Variants in CDH11 observed in about 807,000 individuals in gnomAD.
CDH11 encodes the protein cadherin-11.
CDH11 carries 11 observed loss-of-function variants against 67.8 expected under a neutral mutation model. The ratio of observed to expected loss-of-function variants is 0.16; its 90% CI spans 0.10 to 0.27. The LOEUF is 0.27. Ranked by LOEUF, CDH11 falls within the 10% of genes least tolerant of loss-of-function variation. The pLI is 1.00. For missense variants in CDH11, 847 were observed against 1,031.2 expected (o/e 0.82, Z 2.45); for synonymous variants, 419 against 400.0 (o/e 1.05, Z -0.57).
At chr16:65,084,021 C>A (rs2074654636) in intron 1 of CDH11, among the ~76,000 whole-genome samples, 1 of 152,064 alleles carries the variant, frequency 6.6e-6, no homozygotes, top group Admixed American at 6.5e-5. Context: ...TGAGTAGATA[C>A]CAGGGATGCT....
chr16:65,041,335 G>A (rs1462967142), intron 2 of CDH11, among the ~76,000 whole-genome samples: 1 of 151,902 alleles, frequency 6.6e-6, no homozygotes, highest in Non-Finnish European at 1.5e-5. Context: ...TTTGTCATCT[G>A]TCTGCTACTC....
intron 2 of CDH11, among the ~76,000 whole-genome samples, chr16:65,020,000 A>G (rs2073390719): frequency 6.6e-6 from 1 of 152,166 alleles, no homozygotes; most frequent in South Asian, 2.1e-4. Context: ...AGTAGTTTCA[A>G]TTATATATGT....
rs560997567 is a variant in CDH11, at chr16:65,075,331, T to C, written c.-297-21403A>G. On this transcript the variant is annotated intron_variant, in intron 1 of 12. Coordinates refer to ENST00000268603, the MANE Select transcript of CDH11 (RefSeq NM_001797.4). ...GAGGACTCTGCATGTGGCAGTGGCCTTTCAGACAACACTGTCCTAAAGCCC... is the reference window on the plus strand; with the variant it reads ...GAGGACTCTGCATGTGGCAGTGGCCCTTCAGACAACACTGTCCTAAAGCCC... Among the ~76,000 whole-genome samples the C allele has an allele frequency of 2.2e-4, 34 of 152,328 alleles. No homozygotes were observed. In the South Asian group the frequency reaches 3.3e-3, roughly 15 times the overall value.
chr16:65,027,071 T>G (rs192132457), intron 2 of CDH11, among the ~76,000 whole-genome samples: 17 of 152,212 alleles, frequency 1.1e-4, no homozygotes, highest in African/African-American at 4.1e-4. Flanking sequence ...CTATCAGTAT[T>G]TCACCCAAGA....
intron 1 of CDH11, among the ~76,000 whole-genome samples, chr16:65,059,218 A>T (rs993305827): frequency 2.0e-5 from 3 of 152,162 alleles, no homozygotes; most frequent in African/African-American, 7.2e-5. Flanking sequence ...TCCTCTGCTC[A>T]TCCCTTCCTG....
intron 11 of CDH11, among the ~76,000 whole-genome samples, chr16:64,962,471 G>A (rs892111938): frequency 6.6e-6 from 1 of 152,116 alleles, no homozygotes; most frequent in African/African-American, 2.4e-5. Flanking sequence ...AACCAGTGCT[G>A]GGGTAGAAAA....
chr16:64,951,109 TATC>T (rs1471789486), intron 11 of CDH11, 91 bp from the exon 12 acceptor site: 3 of 1,290,388 alleles, frequency 2.3e-6, no homozygotes, highest in African/African-American at 2.9e-5. Flanking sequence ...GGCACTCTCT[TATC>T]ATAAAGGTTA....
At position 64,947,760 on chromosome 16, in the gene CDH11, T is replaced by C; in HGVS notation, c.2234A>G (p.Tyr745Cys). 1 of 1,614,166 alleles carries C rather than the reference T, an allele frequency of 6.2e-7. No individual in the cohort carries two copies. The highest frequency in any genetic ancestry group is 8.5e-7 in the Non-Finnish European group (1 of 1,180,024). ...CCCGGCCACTGAGCCCCTGCCTTCATAACCGTAGATTTGAATGGAGTCATA... is the reference window on the plus strand; with the variant it reads ...CCCGGCCACTGAGCCCCTGCCTTCACAACCGTAGATTTGAATGGAGTCATA... ...PPYDSIQIYG[Y>C]EGRGSVAGSL... The change falls in exon 13 of 13, where the codon TAT (tyrosine) becomes TGT (cysteine). Residue 745 changes from tyrosine to cysteine, a missense_variant. By Grantham distance (194) the Tyr-to-Cys change is radical (BLOSUM62 -2). Around this residue, in one of 2 missense-constraint regions of CDH11, gnomAD observed 612 missense variants for 678.7 expected, o/e 0.90. Transcript: ENST00000268603.
At chr16:65,110,673 T>C (rs1303186364) in intron 1 of CDH11, among the ~76,000 whole-genome samples, 2 of 117,256 alleles carry the variant, frequency 1.7e-5, no homozygotes, top group Non-Finnish European at 3.7e-5. Flanking sequence ...TGTGTGTGTG[T>C]GTAAGATACT....
chr16:64,961,848 C>A (rs187922378), intron 11 of CDH11, among the ~76,000 whole-genome samples: 35 of 152,154 alleles, frequency 2.3e-4, no homozygotes, highest in South Asian at 6.2e-4. Context: ...TAAAATTAAA[C>A]ATTTATTTTT....
rs1205069172 is a variant in CDH11 at position 64,945,759 on chromosome 16, C to A, written c.*1844G>T. 3 of 1,043,030 alleles carry A rather than the reference C, an allele frequency of 2.9e-6. No individual in the cohort carries two copies. In the South Asian group the frequency reaches 1.4e-4, roughly 48 times the overall value. The allele number at this position is 1,043,030 out of a possible 1,614,324, so 64.6% of individuals were successfully genotyped here. ...AGTGAGCACTTCATAAAAAACATTT[C>A]TTTGTATGCATGTTGACTAAATCAT... On this transcript the variant is annotated 3_prime_UTR_variant, in exon 13 of 13. Transcript: ENST00000268603.
intron 1 of CDH11, among the ~76,000 whole-genome samples, chr16:65,079,989 T>C (rs1270520273): frequency 6.6e-6 from 1 of 152,224 alleles, no homozygotes; most frequent in East Asian, 1.9e-4. Flanking sequence ...TATCAGATAA[T>C]GCAGACTTAG....
chr16:64,979,476 G>A (rs971522515), intron 8 of CDH11, among the ~76,000 whole-genome samples: 4 of 152,016 alleles, frequency 2.6e-5, no homozygotes, highest in Non-Finnish European at 5.9e-5. Flanking sequence ...AATAAAAGAT[G>A]CTTGGTGTCA....
At chr16:65,015,119 G>A (rs956878583) in intron 2 of CDH11, among the ~76,000 whole-genome samples, 13 of 151,090 alleles carry the variant, frequency 8.6e-5, no homozygotes, top group South Asian at 2.1e-4. Flanking sequence ...TCATCCACCC[G>A]CCTCGGCCTC....
chr16:65,044,239 T>C (rs1434174071), intron 2 of CDH11, among the ~76,000 whole-genome samples: 2 of 152,174 alleles, frequency 1.3e-5, no homozygotes, highest in Non-Finnish European at 2.9e-5. Context: ...CAAACTCTAT[T>C]CTCAAGGATT....
chr16:65,033,921 C>T (rs2073699143), intron 2 of CDH11, among the ~76,000 whole-genome samples: 3 of 151,998 alleles, frequency 2.0e-5, no homozygotes, highest in Admixed American at 1.3e-4. Flanking sequence ...TCAAAGAATA[C>T]TTGTGTGAGA....
At chr16:64,982,819 CT>C (rs2072388347) in intron 7 of CDH11, 1 of 153,940 alleles carries the variant, frequency 6.5e-6, no homozygotes, top group African/African-American at 2.4e-5. Flanking sequence ...GTCTGGGACT[CT>C]TACCAGCAGT....
intron 2 of CDH11, among the ~76,000 whole-genome samples, chr16:65,025,650 T>C (rs568326108): frequency 6.6e-6 from 1 of 152,306 alleles, no homozygotes; most frequent in East Asian, 1.9e-4. Context: ...TGGGTGATTT[T>C]TAAAGTTCTG....
At chr16:65,077,853 A>G (rs1204742342) in intron 1 of CDH11, among the ~76,000 whole-genome samples, 1 of 152,250 alleles carries the variant, frequency 6.6e-6, no homozygotes, top group Non-Finnish European at 1.5e-5. Context: ...CATCAAAGAT[A>G]AAGAAGACTC....
Sources: gnomAD v4.1 joint callset for allele counts (sites outside exome capture counted in the v4.1 genomes callset) on GRCh38, gnomAD v4.1.1 for gene constraint, gnomAD v4.1.1 regional missense constraint, MANE v1.5 for transcripts, NCBI Gene and HGNC (gene_info 2026-07-23, HGNC 2026-07-21) for gene names.